The following GSTO2 variants were observed in gnomAD, a reference collection of about 807,000 sequenced individuals.
The protein encoded by GSTO2 is glutathione S-transferase omega 2.
In GSTO2, 23 loss-of-function variants were observed where a neutral mutation model predicts 28.4. The observed-to-expected ratio is 0.81, with a 90% CI of 0.58 to 1.15. The LOEUF is 1.15. Among genes scored for constraint, GSTO2 ranks in the 50% most tolerant of loss-of-function variants. The pLI, the probability that GSTO2 is intolerant of heterozygous loss-of-function variation, is 0.00. For synonymous variants in GSTO2, 109 were observed against 111.0 expected (o/e 0.98, Z 0.11); for missense variants, 298 against 297.8 (o/e 1.00, Z 0.00).
At chr10:104,283,236 T>C (rs898788522) in intron 5 of GSTO2, among the ~76,000 whole-genome samples, 5 of 152,182 alleles carry the variant, frequency 3.3e-5, no homozygotes, top group Non-Finnish European at 4.4e-5. Context: ...AGCCTCGGTG[T>C]AGGTAGCTTT....
At position 104,299,460 on chromosome 10, in the gene GSTO2, T is replaced by C. The variant is rs2013194035; in HGVS notation, c.*176T>C. 1.5e-6 allele frequency: 1 copy of C among 663,662 alleles called. No homozygotes were observed. Among genetic ancestry groups the C allele is most frequent in the Non-Finnish European group, 2.4e-6 (1 of 408,930 alleles). 41.1% of individuals were successfully genotyped at this position (663,662 alleles called of 1,614,324 possible). On this transcript the variant is annotated 3_prime_UTR_variant, in exon 7 of 7. Transcript: ENST00000338595. ...TTGTCTGACTCCTCTAGCCTGTAGCTGCTGCTACTGCTGCTTTTTTTTCCT... is the reference window on the plus strand; with the variant it reads ...TTGTCTGACTCCTCTAGCCTGTAGCCGCTGCTACTGCTGCTTTTTTTTCCT...
intron 5 of GSTO2, among the ~76,000 whole-genome samples, chr10:104,285,342 C>A (rs948402807): frequency 5.9e-5 from 9 of 152,172 alleles, no homozygotes; most frequent in African/African-American, 2.2e-4. Flanking sequence ...AGTCATGGCT[C>A]ACTGTCGTCT....
chr10:104,273,558 A>AC (rs2011506275), intron 1 of GSTO2, among the ~76,000 whole-genome samples: 1 of 152,352 alleles, frequency 6.6e-6, no homozygotes, highest in Admixed American at 6.5e-5. Context: ...GCCAAACAGT[A>AC]CCCAGTTATA....
intron 5 of GSTO2, among the ~76,000 whole-genome samples, chr10:104,284,538 T>C (rs1370601279): frequency 1.3e-5 from 2 of 152,250 alleles, no homozygotes; most frequent in African/African-American, 4.8e-5. Context: ...GTTTTAAAAC[T>C]ATGACACTTG....
At chr10:104,273,589 T>C (rs11191983) in intron 1 of GSTO2, among the ~76,000 whole-genome samples, 11,269 of 152,302 alleles carry the variant, frequency 0.074, 1,397 homozygotes, top group African/African-American at 0.26. Context: ...TTAGGCTCTG[T>C]CATTTTAATA....
At chr10:104,298,956 A>G (rs1290144033) in intron 6 of GSTO2, among the ~76,000 whole-genome samples, 172 bp from the exon 7 acceptor site, 1 of 152,248 alleles carries the variant, frequency 6.6e-6, no homozygotes, top group Non-Finnish European at 1.5e-5. Context: ...CAACTATTCC[A>G]AAAATAAGAT....
intron 4 of GSTO2, 99 bp from the exon 5 acceptor site, chr10:104,279,271 G>C: frequency 2.1e-6 from 2 of 962,260 alleles, no homozygotes; most frequent in Non-Finnish European, 3.2e-6. Context: ...GTGTTGCCCT[G>C]TTAGGCTGGA....
chr10:104,278,207 A>G, intron 4 of GSTO2, 91 bp downstream of exon 4: 1 of 966,410 alleles, frequency 1.0e-6, no homozygotes, highest in Non-Finnish European at 1.6e-6. Flanking sequence ...ATCATTGGTG[A>G]AACTGTTTTG....
intron 5 of GSTO2, among the ~76,000 whole-genome samples, chr10:104,282,239 AAAAAG>A (rs993067557): frequency 6.7e-6 from 1 of 148,214 alleles, no homozygotes; most frequent in African/African-American, 2.6e-5. Flanking sequence ...AAAAAAAAAA[AAAAAG>A]AAAAGAAAAG....
intron 5 of GSTO2, among the ~76,000 whole-genome samples, chr10:104,289,010 A>G (rs2012615362): frequency 6.6e-6 from 1 of 152,084 alleles, no homozygotes; most frequent in Non-Finnish European, 1.5e-5. Context: ...TCTACCACCA[A>G]TCACTTTACA....
intron 1 of GSTO2, 38 bp from the exon 2 acceptor site, chr10:104,274,647 T>G: frequency 3.6e-6 from 2 of 556,046 alleles, no homozygotes; most frequent in South Asian, 2.2e-5. Context: ...AGGGGGAGCT[T>G]TTCTGGTGTT....
At chr10:104,293,883 A>G (rs156699) in intron 5 of GSTO2, among the ~76,000 whole-genome samples, 63,149 of 151,920 alleles carry the variant, frequency 0.42, 15,794 homozygotes, top group African/African-American at 0.71. Flanking sequence ...GACACTAGTC[A>G]GAGAATTAGG....
rs1327751928 is a variant in GSTO2, at chr10:104,300,632, C to T, written c.*1348C>T. The T allele has an allele frequency of 2.0e-5, 3 of 152,336 alleles. No individual in the cohort carries two copies. Among genetic ancestry groups the T allele is most frequent in the Non-Finnish European group, 4.4e-5 (3 of 68,120 alleles). 9.4% of individuals were successfully genotyped at this position (152,336 alleles called of 1,614,324 possible). On this transcript the variant is annotated 3_prime_UTR_variant, in exon 7 of 7. Transcript: ENST00000338595. ...GGGCTGGGAGCATCTACTGCCTGCA[C>T]TATGGGAGGGGGACCAAGTTTGTCC... is the stretch of plus-strand genomic sequence containing the variant.
At position 104,280,404 on chromosome 10, in the gene GSTO2, G is replaced by A. The variant is rs560707697; in HGVS notation, c.468+933G>A. The stretch of plus-strand genomic sequence containing the variant: ...AATATAAAGAAAAAAATGGCAAATG[G>A]TCATACCCCTTTAAAGGGCTTTAAA... On this transcript the variant is annotated intron_variant, in intron 5 of 6. Coordinates refer to ENST00000338595, the MANE Select transcript of GSTO2 (RefSeq NM_183239.2). Among the ~76,000 whole-genome samples the A allele has an allele frequency of 3.3e-5, 5 of 152,250 alleles. No individual in the cohort carries two copies. In the East Asian group the frequency reaches 5.8e-4, roughly 18 times the overall value.
chr10:104,290,102 A>G (rs1355788830), intron 5 of GSTO2, among the ~76,000 whole-genome samples: 1 of 152,248 alleles, frequency 6.6e-6, no homozygotes, highest in Non-Finnish European at 1.5e-5. Context: ...AAAGAAAGGA[A>G]ATCAGTATAT....
In GSTO2 at chr10:104,303,094, C is replaced by T. The variant is rs1019088229; in HGVS notation, c.*3810C>T. The T allele has an allele frequency of 2.0e-5, 3 of 152,198 alleles. No individual in the cohort carries two copies. The highest frequency in any genetic ancestry group is 7.2e-5 in the African/African-American group (3 of 41,448). 9.4% of individuals were successfully genotyped at this position (152,198 alleles called of 1,614,324 possible). A position where few individuals can be genotyped will look rare whatever the true frequency, so the allele number is the denominator to read the frequency against. On this transcript the variant is annotated 3_prime_UTR_variant, in exon 7 of 7. Coordinates refer to ENST00000338595, the MANE Select transcript of GSTO2 (RefSeq NM_183239.2). ...TCCATTAGTTATTTTTCCTGATCCT[C>T]TCCCTCCTCCCACCCTGCACCCTCT... is the stretch of plus-strand genomic sequence containing the variant.
rs755021553 is a variant in GSTO2 at position 104,275,234 on chromosome 10, C to A, written c.43C>A (p.Pro15Thr). The stretch of plus-strand genomic sequence containing the variant: ...CCATCGCTGCTCTGCAGGAAGCCAG[C>A]CCCCAGGGCCAGTCCCGGAGGGGCT... ...ATRTLGKGSQ[P>T]PGPVPEGLIR... Residue 15 changes from proline to threonine, a missense_variant, in exon 3 of 7, where the codon CCC becomes ACC. By Grantham distance (38) the Pro-to-Thr change is conservative. Coordinates refer to ENST00000338595, the MANE Select transcript of GSTO2 (RefSeq NM_183239.2). The A allele has an allele frequency of 6.2e-7, 1 of 1,612,476 alleles. No homozygotes were observed. The highest frequency in any genetic ancestry group is 2.2e-5 in the East Asian group (1 of 44,760).
chr10:104,286,908 G>GA (rs11321519), intron 5 of GSTO2, among the ~76,000 whole-genome samples: 1 of 151,764 alleles, frequency 6.6e-6, no homozygotes, highest in Admixed American at 6.6e-5. Flanking sequence ...AGAAACTAAG[G>GA]AAAAAAAATT....
intron 2 of GSTO2, 124 bp downstream of exon 2, chr10:104,275,073 C>G (rs1301731762): frequency 6.7e-7 from 1 of 1,499,724 alleles, no homozygotes; most frequent in African/African-American, 1.4e-5. Flanking sequence ...GAGGGCTCTC[C>G]TGAAGAAAAG....
Sources: allele counts gnomAD v4.1 joint callset (sites outside exome capture counted in the v4.1 genomes callset), GRCh38; gene constraint gnomAD v4.1.1; transcripts MANE v1.5; gene names NCBI Gene and HGNC (gene_info 2026-07-23, HGNC 2026-07-21).